Variants in GALNT7 observed in about 807,000 individuals in gnomAD.
GALNT7 encodes the protein N-acetylgalactosaminyltransferase 7.
A neutral mutation model predicts 82.1 loss-of-function variants in GALNT7; 60 were observed. The ratio of observed to expected loss-of-function variants is 0.73; its 90% confidence interval spans 0.59 to 0.91. GALNT7 has a LOEUF of 0.91. GALNT7 is among the 40% of genes least tolerant of loss of function. The pLI is 0.00. For missense variants in GALNT7, 660 were observed against 804.2 expected, an observed-to-expected ratio of 0.82 and a Z score of 2.17; for synonymous variants, 243 against 275.1, an observed-to-expected ratio of 0.88 and a Z score of 1.15.
At chr4:173,171,437 G>T (rs1006002) in intron 1 of GALNT7, among the ~76,000 whole-genome samples, 76,542 of 152,064 alleles carry the variant, frequency 0.5, 19,563 homozygotes, top group East Asian at 0.7. Flanking sequence ...TATGGGTTCT[G>T]CCTCTACTCC....
chr4:173,214,361 A>G (rs1258600544), intron 1 of GALNT7, among the ~76,000 whole-genome samples: 1 of 152,044 alleles, frequency 6.6e-6, no homozygotes, highest in East Asian at 1.9e-4. Flanking sequence ...TAAACTAGAA[A>G]GCTTTATTTT....
chr4:173,172,618 C>T (rs1731913070), intron 1 of GALNT7, among the ~76,000 whole-genome samples: 3 of 152,126 alleles, frequency 2.0e-5, no homozygotes, highest in African/African-American at 7.2e-5. Context: ...CCTTTCCTGC[C>T]CTGCTCATGT....
intron 1 of GALNT7, among the ~76,000 whole-genome samples, chr4:173,210,341 T>C (rs1733239345): frequency 2.6e-5 from 4 of 152,206 alleles, no homozygotes. Flanking sequence ...TTTACCGTCA[T>C]TGACTCTTTC....
chr4:173,207,955 C>T (rs886986108), intron 1 of GALNT7, among the ~76,000 whole-genome samples: 11 of 152,022 alleles, frequency 7.2e-5, no homozygotes, highest in African/African-American at 2.4e-4. Context: ...TGAAGTTGAA[C>T]GTCTTTTTTA....
chr4:173,282,820 A>G (rs1280169863), intron 2 of GALNT7, among the ~76,000 whole-genome samples: 2 of 152,194 alleles, frequency 1.3e-5, no homozygotes, highest in African/African-American at 4.8e-5. Flanking sequence ...TGCCCTGATA[A>G]CTGGTGGCTA....
intron 2 of GALNT7, among the ~76,000 whole-genome samples, chr4:173,289,257 G>A (rs1212253826): frequency 1.3e-5 from 2 of 152,154 alleles, no homozygotes; most frequent in African/African-American, 4.8e-5. Flanking sequence ...TCACCCTTCT[G>A]ATGATCCCTT....
At chr4:173,307,230 G>A (rs1211920142) in intron 8 of GALNT7, among the ~76,000 whole-genome samples, 2 of 152,258 alleles carry the variant, frequency 1.3e-5, no homozygotes, top group Non-Finnish European at 2.9e-5. Flanking sequence ...TGCAGCGGCA[G>A]TGGCCCTTGT....
intron 1 of GALNT7, among the ~76,000 whole-genome samples, chr4:173,244,475 A>G (rs1734544184): frequency 6.6e-6 from 1 of 152,176 alleles, no homozygotes; most frequent in Non-Finnish European, 1.5e-5. Context: ...GCACTAGGTC[A>G]TAGTAGTTAA....
intron 2 of GALNT7, among the ~76,000 whole-genome samples, chr4:173,263,205 C>CT: frequency 6.6e-6 from 1 of 152,308 alleles, no homozygotes; most frequent in South Asian, 2.1e-4. Context: ...GAAAAAGCCG[C>CT]TGCTATAGAT....
chr4:173,238,845 A>C (rs1734316624), intron 1 of GALNT7, among the ~76,000 whole-genome samples: 2 of 152,228 alleles, frequency 1.3e-5, no homozygotes, highest in Non-Finnish European at 2.9e-5. Flanking sequence ...CTTCTTAATT[A>C]GTTGTCTATG....
intron 9 of GALNT7, among the ~76,000 whole-genome samples, chr4:173,315,306 A>G (rs1737554578): frequency 6.6e-6 from 1 of 152,124 alleles, no homozygotes; most frequent in South Asian, 2.1e-4. Context: ...GATTGGGAAG[A>G]TAGTAGGGGA....
Position 173,289,577 on chromosome 4 carries a change from C to T in GALNT7, c.588-2531C>T, listed in dbSNP as rs547865940. Among the ~76,000 whole-genome samples the T allele has an allele frequency of 3.3e-4, 50 of 152,342 alleles. No homozygotes were observed. The South Asian group carries it at 9.5e-3, about 29-fold the overall frequency. ...TCTGTGCAATTCCCCTTATCTTATG[C>T]AGCTGTGGGTATGCCTCTAGGCACG... On this transcript the variant is annotated intron_variant, in intron 2 of 11. Transcript: ENST00000265000.
intron 2 of GALNT7, among the ~76,000 whole-genome samples, chr4:173,286,424 C>A (rs1235708635): frequency 2.0e-5 from 3 of 152,216 alleles, no homozygotes; most frequent in African/African-American, 7.2e-5. Context: ...CAGTTGTTTC[C>A]CATGGGTAAC....
chr4:173,266,184 C>T (rs1012623133), intron 2 of GALNT7, among the ~76,000 whole-genome samples: 3 of 152,132 alleles, frequency 2.0e-5, no homozygotes, highest in East Asian at 3.9e-4. Flanking sequence ...TGTTTGAACC[C>T]GAGAGGCGGA....
At position 173,292,146 on chromosome 4, in the gene GALNT7, C is replaced by T. The variant is rs374322805; in HGVS notation, c.626C>T (p.Ser209Leu). ...CATTATGATGAAAACTTGCTCACTT[C>T]GAGCGTTGTCATTGTCTTCCATAAT... ...YWHYDENLLT[S>L]SVVIVFHNEG... Residue 209 changes from serine (S) to leucine (L), a missense_variant, in exon 3 of 12, where the codon TCG becomes TTG. By Grantham distance (145) the Ser-to-Leu change is moderately radical (BLOSUM62 -2). Coordinates refer to ENST00000265000, the MANE Select transcript of GALNT7 (RefSeq NM_017423.3). This position sits in a 1 kb window ranked among gnomAD's most constrained non-coding sequence, Gnocchi z 4.8. The T allele has an allele frequency of 9.9e-6, 16 of 1,609,688 alleles. No individual in the cohort carries two copies. Among genetic ancestry groups the T allele is most frequent in the Non-Finnish European group, 1.3e-5 (15 of 1,177,640 alleles).
At chr4:173,213,142 T>C (rs1375220174) in intron 1 of GALNT7, among the ~76,000 whole-genome samples, 3 of 152,296 alleles carry the variant, frequency 2.0e-5, no homozygotes, top group Non-Finnish European at 2.9e-5. Context: ...AAACCCCTTA[T>C]TTGGAGTTCC....
chr4:173,179,507 T>C (rs1487784104), intron 1 of GALNT7, among the ~76,000 whole-genome samples: 3 of 152,228 alleles, frequency 2.0e-5, no homozygotes, highest in East Asian at 3.8e-4. Context: ...TATTCTTTAA[T>C]GTGAGCAAGG....
At chr4:173,268,286 G>A (rs969923434) in intron 2 of GALNT7, 19 of 152,230 alleles carry the variant, frequency 1.2e-4, no homozygotes, top group African/African-American at 4.6e-4. Flanking sequence ...TACCTATAAC[G>A]TTGATGGGTT....
Position 173,298,025 on chromosome 4 carries a change from CT to C in GALNT7, c.966-80del, listed in dbSNP as rs762978643. On this transcript the variant is annotated intron_variant, in intron 5 of 11. Transcript: ENST00000265000. ...CTTATGTTGAATGTTTATCTAAGTT[CT>C]TTTTTTTTTCTTCCCCATGAACTCG... 1.8e-3 allele frequency: 2,544 copies of C among 1,401,050 alleles called. 1 individual carries two copies. Among genetic ancestry groups the C allele is most frequent in the Admixed American group, 4.1e-3 (178 of 43,250 alleles). The allele number at this position is 1,401,050 out of a possible 1,614,324, so 86.8% of individuals were successfully genotyped here. A position where few individuals can be genotyped will look rare whatever the true frequency, so the allele number is the denominator to read the frequency against.
Sources: gnomAD v4.1 joint callset for allele counts (sites outside exome capture counted in the v4.1 genomes callset) on GRCh38, gnomAD v4.1.1 for gene constraint, Gnocchi (gnomAD v3.1) non-coding constraint, MANE v1.5 for transcripts, NCBI Gene and HGNC (gene_info 2026-07-23, HGNC 2026-07-21) for gene names.